The following SIN3B variants were observed in gnomAD, a reference collection of about 807,000 sequenced individuals.
SIN3B encodes the protein paired amphipathic helix protein Sin3b.
Under a neutral mutation model 120.2 loss-of-function variants are expected in SIN3B, and 19 were observed. The observed-to-expected ratio is 0.16, with a 90% confidence interval of 0.11 to 0.23. The LOEUF (loss-of-function observed/expected upper bound fraction) is 0.23. Among genes scored for constraint, SIN3B ranks in the 10% least tolerant of loss-of-function variants. SIN3B has a pLI of 1.00. For missense variants in SIN3B, 1,073 were observed against 1,573.0 expected (o/e 0.68, Z 5.38); for synonymous variants, 654 against 653.2 (o/e 1.00, Z -0.02).
intron 7 of SIN3B, among the ~76,000 whole-genome samples, chr19:16,853,836 T>C (rs1271156526): frequency 6.6e-6 from 1 of 150,980 alleles, no homozygotes; most frequent in Non-Finnish European, 1.5e-5. Flanking sequence ...GCAGGGACTG[T>C]GTGAATTGCT....
intron 16 of SIN3B, chr19:16,877,313 C>T: frequency 1.9e-6 from 1 of 535,154 alleles, no homozygotes; most frequent in Non-Finnish European, 3.3e-6. Context: ...GCTTCTGGCG[C>T]TCCTCAGCTG....
intron 12 of SIN3B, among the ~76,000 whole-genome samples, chr19:16,868,423 C>T (rs951487518): frequency 6.6e-6 from 1 of 152,160 alleles, no homozygotes; most frequent in Admixed American, 6.5e-5. Context: ...TGCCTCCCTG[C>T]CTTGGACTGA....
At chr19:16,848,224 G>A (rs1465273854) in intron 5 of SIN3B, among the ~76,000 whole-genome samples, 1 of 152,178 alleles carries the variant, frequency 6.6e-6, no homozygotes, top group Non-Finnish European at 1.5e-5. Context: ...TTATTGCACG[G>A]ATTTGTTTGA....
rs930190207 is a variant in SIN3B at position 16,835,231 on chromosome 19, T to C, written c.381+3584T>C. 6.1e-5 allele frequency among the ~76,000 whole-genome samples: 9 copies of C among 148,366 alleles called. 1 individual carries two copies. Among genetic ancestry groups the C allele is most frequent in the African/African-American group, 2.2e-4 (9 of 40,376 alleles). ...ATGAGCCACTGCACCTGGCCATCTT[T>C]TTTTTTTTTTTTTTTGAGACAGAGT... On this transcript the variant is annotated intron_variant, in intron 3 of 18. Coordinates refer to ENST00000248054, the MANE Select transcript of SIN3B (RefSeq NM_001297595.2).
chr19:16,865,866 T>C (rs1971764641), intron 11 of SIN3B, among the ~76,000 whole-genome samples: 1 of 152,224 alleles, frequency 6.6e-6, no homozygotes, highest in Non-Finnish European at 1.5e-5. Flanking sequence ...CTTCTAGGAC[T>C]TTCCACCTTG....
intron 2 of SIN3B, among the ~76,000 whole-genome samples, chr19:16,831,064 C>CTT (rs34911805): frequency 1.6e-4 from 22 of 138,098 alleles, no homozygotes; most frequent in East Asian, 2.1e-4. Context: ...CATGGGGGCA[C>CTT]TTTTTTTTTT....
At chr19:16,833,728 T>C (rs1971308898) in intron 3 of SIN3B, among the ~76,000 whole-genome samples, 1 of 151,530 alleles carries the variant, frequency 6.6e-6, no homozygotes. Context: ...CAGGGTTTTT[T>C]TTTTGCCTTT....
chr19:16,830,008 C>G, intron 2 of SIN3B, 111 bp downstream of exon 2: 1 of 700,674 alleles, frequency 1.4e-6, no homozygotes, highest in South Asian at 1.6e-5. Flanking sequence ...TGACCTTGCG[C>G]AGGTTGTCCA....
chr19:16,862,519 A>G lies in SIN3B; in HGVS notation c.1226A>G (p.Gln409Arg). 6.2e-7 allele frequency: 1 copy of G among 1,614,012 alleles called. No homozygotes were observed. The highest frequency in any genetic ancestry group is 8.5e-7 in the Non-Finnish European group (1 of 1,180,010). ...TACCGGGCACTCCCCAAAACCTACC[A>G]GCAGCCCAAGTGCAGTGGGAGGACA... The part of the protein sequence containing the change: ...SSYRALPKTY[Q>R]QPKCSGRTAI... The change falls in exon 9 of 19, where the codon CAG becomes CGG. Residue 409 changes from glutamine to arginine, a missense_variant. Physicochemically the swap from Gln to Arg is conservative, Grantham distance 43. Around this residue, in one of 7 missense-constraint regions of SIN3B, gnomAD observed 118 missense variants for 281.6 expected, o/e 0.42. Coordinates refer to ENST00000248054, the MANE Select transcript of SIN3B (RefSeq NM_001297595.2). This position sits in a 1 kb window ranked among gnomAD's most constrained non-coding sequence, Gnocchi z 4.7.
chr19:16,871,394 G>C lies in SIN3B; in HGVS notation c.2588G>C (p.Arg863Pro). 1 of 1,602,176 alleles carries C rather than the reference G, an allele frequency of 6.2e-7. No individual in the cohort carries two copies. The highest frequency in any genetic ancestry group is 8.5e-7 in the Non-Finnish European group (1 of 1,173,056). ...GACAAGCTGGTGCAGAACATTGCGC[G>C]GCAGGTGAGCCGGGCCGGGGTGGGG... The part of the protein sequence containing the change: ...TMDKLVQNIA[R>P]QLHHLVSDDV... The change falls in exon 14 of 19, where the codon CGG becomes CCG. Residue 863 changes from arginine to proline, a missense_variant. By Grantham distance (103) the Arg-to-Pro change is moderately radical. Around this residue, in one of 7 missense-constraint regions of SIN3B, gnomAD observed 311 missense variants for 400.3 expected, o/e 0.78. Transcript: ENST00000248054.
At chr19:16,848,912 A>G (rs1465491724) in intron 5 of SIN3B, among the ~76,000 whole-genome samples, 5 of 152,242 alleles carry the variant, frequency 3.3e-5, no homozygotes, top group Admixed American at 6.5e-5. Context: ...TGTTAGGATT[A>G]CAAGCATATG....
chr19:16,872,892 C>T (rs1200080078), intron 14 of SIN3B, among the ~76,000 whole-genome samples: 2 of 152,144 alleles, frequency 1.3e-5, no homozygotes, highest in African/African-American at 2.4e-5. Flanking sequence ...GGAACGACCC[C>T]CGATTCCGTC....
intron 13 of SIN3B, 36 bp from the exon 14 acceptor site, chr19:16,871,193 C>T: frequency 6.2e-7 from 1 of 1,613,636 alleles, no homozygotes; most frequent in Non-Finnish European, 8.5e-7. Flanking sequence ...TTGCGCTCTC[C>T]AGGAGGCATA....
At position 16,841,822 on chromosome 19, in the gene SIN3B, T is replaced by C. The variant is rs1315294767; in HGVS notation, c.436T>C (p.Tyr146His). 6.2e-7 allele frequency: 1 copy of C among 1,613,856 alleles called. No individual in the cohort carries two copies. ...AGAGGACTTCAAGCAGCAGGTGCCG[T>C]ATAAAGAGGACAAACCCCAGGTGCC... is the stretch of plus-strand genomic sequence containing the variant. ...GAEDFKQQVP[Y>H]KEDKPQVPLE... Residue 146 changes from tyrosine (Y) to histidine (H), a missense_variant, in exon 4 of 19, where the codon TAT (tyrosine) becomes CAT (histidine). Physicochemically the swap from Tyr to His is moderately conservative, Grantham distance 83. This residue lies in a region of SIN3B where 395 missense variants were observed against 528.0 expected (regional missense o/e 0.75). Coordinates refer to ENST00000248054, the MANE Select transcript of SIN3B (RefSeq NM_001297595.2).
intron 8 of SIN3B, among the ~76,000 whole-genome samples, chr19:16,861,567 A>G (rs1261828907): frequency 6.6e-6 from 1 of 152,174 alleles, no homozygotes; most frequent in Non-Finnish European, 1.5e-5. Flanking sequence ...GTTTGAGACC[A>G]GCCTGGCCAA....
At chr19:16,832,191 C>CTTTTTTTTTTTTTTT (rs10528185) in intron 3 of SIN3B, among the ~76,000 whole-genome samples, 2 of 125,434 alleles carry the variant, frequency 1.6e-5, no homozygotes, top group Non-Finnish European at 3.3e-5. Flanking sequence ...TGCTGGCCCT[C>CTTTTTTTTTTTTTTT]TTTTTTTTTT....
At chr19:16,864,030 A>T (rs1971726319) in intron 10 of SIN3B, among the ~76,000 whole-genome samples, 1 of 152,232 alleles carries the variant, frequency 6.6e-6, no homozygotes, top group Non-Finnish European at 1.5e-5. Context: ...GTAGTGGCAG[A>T]CACCTGTAAT....
chr19:16,877,300 G>A, intron 16 of SIN3B: 1 of 518,510 alleles, frequency 1.9e-6, no homozygotes. Flanking sequence ...CCAGCTTCCG[G>A]GGGCTTCTGG....
At position 16,867,310 on chromosome 19, in the gene SIN3B, C is replaced by T. The variant is rs150580375; in HGVS notation, c.1806+754C>T. On this transcript the variant is annotated intron_variant, in intron 12 of 18. Coordinates refer to ENST00000248054, the MANE Select transcript of SIN3B (RefSeq NM_001297595.2). Reference sequence around the variant, plus strand: ...TTTGCCTGGGCTGGTCGCAGGGGGCCAGGGCTCTGAGTCATTGGGTTCGAG... The same window carrying T: ...TTTGCCTGGGCTGGTCGCAGGGGGCTAGGGCTCTGAGTCATTGGGTTCGAG... Among the ~76,000 whole-genome samples, 100 of 152,338 alleles carry T rather than the reference C, an allele frequency of 6.6e-4. 1 individual carries two copies. Among genetic ancestry groups the T allele is most frequent in the South Asian group, 6.4e-3 (31 of 4,826 alleles).
Sources: gnomAD v4.1 joint callset for allele counts (sites outside exome capture counted in the v4.1 genomes callset) on GRCh38, gnomAD v4.1.1 for gene constraint, gnomAD v4.1.1 regional missense constraint, Gnocchi (gnomAD v3.1) non-coding constraint, MANE v1.5 for transcripts, NCBI Gene and HGNC (gene_info 2026-07-23, HGNC 2026-07-21) for gene names.